FSTL5: variants seen among roughly 807,000 people sequenced by gnomAD.
The protein encoded by FSTL5 is follistatin-related protein 5.
A neutral mutation model predicts 89.1 loss-of-function variants in FSTL5; 62 were observed. The ratio of observed to expected loss-of-function variants is 0.70; its 90% CI spans 0.57 to 0.86. The LOEUF is 0.86. FSTL5 is among the 40% of genes least tolerant of loss of function. FSTL5 has a pLI of 0.00. For missense variants in FSTL5, 1,057 were observed against 1,001.6 expected, an observed-to-expected ratio of 1.06 and a Z score of -0.75; for synonymous variants, 383 against 346.2, an observed-to-expected ratio of 1.11 and a Z score of -1.18.
chr4:161,564,977 T>A (rs1732747331), intron 8 of FSTL5, among the ~76,000 whole-genome samples: 1 of 151,952 alleles, frequency 6.6e-6, no homozygotes, highest in Non-Finnish European at 1.5e-5. Flanking sequence ...TAAAACTATA[T>A]GATGCACAAA....
chr4:161,830,170 G>T (rs1160089985), intron 4 of FSTL5, among the ~76,000 whole-genome samples: 2 of 151,894 alleles, frequency 1.3e-5, no homozygotes, highest in Non-Finnish European at 2.9e-5. Flanking sequence ...CTTCACTTAT[G>T]GTATACAAAA....
chr4:162,125,756 G>C (rs1732053396), intron 1 of FSTL5, among the ~76,000 whole-genome samples: 1 of 151,924 alleles, frequency 6.6e-6, no homozygotes, highest in Non-Finnish European at 1.5e-5. Context: ...TATTTAAGCA[G>C]TGTATAAAGT....
At chr4:161,598,375 AAAAC>A (rs34689880) in intron 7 of FSTL5, among the ~76,000 whole-genome samples, 7,932 of 149,754 alleles carry the variant, frequency 0.053, 659 homozygotes, top group African/African-American at 0.18. Flanking sequence ...ACCCTGTCTC[AAAAC>A]AAACAAACAA....
intron 6 of FSTL5, among the ~76,000 whole-genome samples, chr4:161,726,656 C>T (rs781638341): frequency 3.9e-5 from 6 of 152,012 alleles, no homozygotes; most frequent in Non-Finnish European, 5.9e-5. Context: ...AGGACTATTA[C>T]GTAAAACACC....
chr4:162,009,278 C>T (rs1349231210), intron 3 of FSTL5, among the ~76,000 whole-genome samples: 1 of 152,018 alleles, frequency 6.6e-6, no homozygotes, highest in Non-Finnish European at 1.5e-5. Context: ...CACTAATTTG[C>T]ACTTCATTGT....
intron 4 of FSTL5, among the ~76,000 whole-genome samples, chr4:161,834,179 T>G (rs1446282403): frequency 1.3e-5 from 2 of 152,142 alleles, no homozygotes; most frequent in East Asian, 3.9e-4. Flanking sequence ...ATCCAGCATA[T>G]AAACAGAACC....
intron 3 of FSTL5, among the ~76,000 whole-genome samples, chr4:161,992,934 ATATATATGTGT>A (rs1736173503): frequency 8.2e-5 from 1 of 12,266 alleles, no homozygotes; most frequent in Non-Finnish European, 5.6e-4. Context: ...ATGTGTGTAT[ATATATATGTGT>A]GTATATCTAT....
At chr4:161,608,795 T>C (rs1734542576) in intron 7 of FSTL5, among the ~76,000 whole-genome samples, 1 of 151,992 alleles carries the variant, frequency 6.6e-6, no homozygotes, top group African/African-American at 2.4e-5. Context: ...TTAAAAAACA[T>C]ATTTGATGAC....
At chr4:161,803,941 C>T (rs560757834) in intron 4 of FSTL5, among the ~76,000 whole-genome samples, 2 of 152,064 alleles carry the variant, frequency 1.3e-5, no homozygotes, top group East Asian at 3.9e-4. Flanking sequence ...TAGATCTTCT[C>T]CTAAGCTCAT....
intron 3 of FSTL5, among the ~76,000 whole-genome samples, chr4:161,953,611 C>G (rs2110959555): frequency 6.6e-6 from 1 of 151,598 alleles, no homozygotes; most frequent in African/African-American, 2.4e-5. Context: ...CTATCTTTGC[C>G]TTGGTAAAGG....
chr4:161,870,308 T>C (rs375237024), intron 4 of FSTL5, among the ~76,000 whole-genome samples: 2 of 152,126 alleles, frequency 1.3e-5, no homozygotes, highest in East Asian at 3.9e-4. Context: ...TTTTCCTTTT[T>C]TCATCACAAA....
intron 2 of FSTL5, among the ~76,000 whole-genome samples, chr4:162,087,428 G>C (rs1043991782): frequency 6.6e-6 from 1 of 151,916 alleles, no homozygotes; most frequent in African/African-American, 2.4e-5. Flanking sequence ...AGAATAAAGA[G>C]GAAAGAGGAG....
chr4:161,508,683 T>G (rs1730560400), intron 11 of FSTL5, among the ~76,000 whole-genome samples: 1 of 152,158 alleles, frequency 6.6e-6, no homozygotes, highest in Non-Finnish European at 1.5e-5. Flanking sequence ...TTATTATGTA[T>G]TAAAAATTAC....
At chr4:161,634,845 G>T (rs1735632994) in intron 7 of FSTL5, among the ~76,000 whole-genome samples, 1 of 152,094 alleles carries the variant, frequency 6.6e-6, no homozygotes, top group Non-Finnish European at 1.5e-5. Context: ...AGGTAATCAT[G>T]TTTTATTGTT....
At chr4:161,869,041 G>T (rs1261632596) in intron 4 of FSTL5, among the ~76,000 whole-genome samples, 1 of 152,116 alleles carries the variant, frequency 6.6e-6, no homozygotes, top group East Asian at 1.9e-4. Context: ...GGCCAACATG[G>T]TGAAACCTCG....
intron 7 of FSTL5, among the ~76,000 whole-genome samples, chr4:161,608,222 T>C (rs1002766720): frequency 2.0e-5 from 3 of 152,126 alleles, no homozygotes; most frequent in African/African-American, 7.2e-5. Context: ...CTCTTAATCA[T>C]AAGGAATATA....
intron 4 of FSTL5, among the ~76,000 whole-genome samples, chr4:161,818,689 G>T (rs1730403945): frequency 6.6e-6 from 1 of 152,102 alleles, no homozygotes; most frequent in Non-Finnish European, 1.5e-5. Flanking sequence ...TAATACTTTT[G>T]ATTACTATTC....
In FSTL5 at chr4:161,499,921, C is replaced by T. The variant is rs572780211; in HGVS notation, c.1458+95G>A. 28 of 710,384 alleles carry T rather than the reference C, an allele frequency of 3.9e-5. No homozygotes were observed. The South Asian group carries it at 4.7e-4, about 12-fold the overall frequency. 44.0% of individuals were successfully genotyped at this position (710,384 alleles called of 1,614,324 possible). A position where few individuals can be genotyped will look rare whatever the true frequency, so the allele number is the denominator to read the frequency against. On this transcript the variant is annotated intron_variant, in intron 12 of 15. Coordinates refer to ENST00000306100, the MANE Select transcript of FSTL5 (RefSeq NM_020116.5). ...TTCATAATTTTCTTCCAACACGAGT[C>T]TCATATATGTATAGGTTTTGTTATA...
At chr4:161,587,030 T>C (rs1314460511) in intron 8 of FSTL5, among the ~76,000 whole-genome samples, 1 of 152,164 alleles carries the variant, frequency 6.6e-6, no homozygotes, top group African/African-American at 2.4e-5. Flanking sequence ...TCAACATTCA[T>C]AGGTAGACAT....
Sources: gnomAD v4.1 joint callset for allele counts (sites outside exome capture counted in the v4.1 genomes callset) on GRCh38, gnomAD v4.1.1 for gene constraint, MANE v1.5 for transcripts, NCBI Gene and HGNC (gene_info 2026-07-23, HGNC 2026-07-21) for gene names.